The following MET variants were observed in gnomAD, a reference collection of about 807,000 sequenced individuals.
MET encodes hepatocyte growth factor receptor.
In MET, 48 loss-of-function variants were observed where a neutral mutation model predicts 133.1. That is an observed-to-expected ratio of 0.36 (90% CI 0.29 to 0.46). The LOEUF is 0.46. Ranked by LOEUF, MET falls within the 20% of genes least tolerant of loss-of-function variation. The pLI is 1.00. For synonymous variants in MET, 628 were observed against 616.5 expected, an observed-to-expected ratio of 1.02 and a Z score of -0.28; for missense variants, 1,442 against 1,695.9, an observed-to-expected ratio of 0.85 and a Z score of 2.63.
At chr7:116,743,503 C>G (rs1793543488) in intron 5 of MET, among the ~76,000 whole-genome samples, 1 of 152,224 alleles carries the variant, frequency 6.6e-6, no homozygotes, top group South Asian at 2.1e-4. Flanking sequence ...GCCAGCACAG[C>G]AGTCTGAAGT....
intron 19 of MET, among the ~76,000 whole-genome samples, chr7:116,789,509 T>C (rs927037596): frequency 2.0e-5 from 3 of 152,206 alleles, no homozygotes; most frequent in Admixed American, 6.5e-5. Flanking sequence ...AATCAGGACA[T>C]AGAACAGTTC....
intron 10 of MET, among the ~76,000 whole-genome samples, chr7:116,762,667 A>G (rs1191077226): frequency 6.6e-6 from 1 of 152,172 alleles, no homozygotes; most frequent in African/African-American, 2.4e-5. Flanking sequence ...GGTTAAAGCT[A>G]GGAGATGAGC....
At chr7:116,741,151 A>T in intron 5 of MET, 126 bp downstream of exon 5, 2 of 1,108,894 alleles carry the variant, frequency 1.8e-6, no homozygotes, top group Non-Finnish European at 2.6e-6. Context: ...TTTAAAAATC[A>T]ATTTACTCAT....
In MET at chr7:116,797,254, G is replaced by A. The variant is rs1014026471; in HGVS notation, c.*1130G>A. On this transcript the variant is annotated 3_prime_UTR_variant, in exon 21 of 21. Transcript: ENST00000397752. ...GATAACTCAGCATGTTTGTAAAGCA[G>A]GATACATTTTACTAAAAGGTTCATT... is the stretch of plus-strand genomic sequence containing the variant. 1 of 216,398 alleles carries A rather than the reference G, an allele frequency of 4.6e-6. No homozygotes were observed. Among genetic ancestry groups the A allele is most frequent in the African/African-American group, 2.3e-5 (1 of 44,146 alleles). 13.4% of individuals were successfully genotyped at this position (216,398 alleles called of 1,614,324 possible).
rs2116590916 is a variant in MET, at chr7:116,699,602, C to T, written c.518C>T (p.Pro173Leu). The change falls in exon 2 of 21, where the codon CCT becomes CTT. Residue 173 changes from proline to leucine, a missense_variant. Pro to Leu is a moderately conservative substitution (Grantham distance 98, BLOSUM62 -3). Around this residue, in one of 6 missense-constraint regions of MET, gnomAD observed 762 missense variants for 792.4 expected, o/e 0.96. Transcript: ENST00000397752. Reference protein sequence around the residue: ...SPQIEEPSQCPDCVVSALGAK... With the variant: ...SPQIEEPSQCLDCVVSALGAK... ...CAGATAGAAGAGCCCAGCCAGTGTC[C>T]TGACTGTGTGGTGAGCGCCCTGGGA... is the stretch of plus-strand genomic sequence containing the variant. The T allele has an allele frequency of 3.7e-6, 6 of 1,614,016 alleles. No individual in the cohort carries two copies. Among genetic ancestry groups the T allele is most frequent in the Non-Finnish European group, 4.2e-6 (5 of 1,179,958 alleles).
At chr7:116,777,613 G>A (rs1294358256) in intron 16 of MET, 144 bp downstream of exon 16, 2 of 808,222 alleles carry the variant, frequency 2.5e-6, no homozygotes, top group Admixed American at 4.2e-5. Flanking sequence ...CTGAAAATTT[G>A]TTTTGTTCTA....
intron 5 of MET, among the ~76,000 whole-genome samples, chr7:116,745,622 A>G (rs1297111310): frequency 6.6e-6 from 1 of 152,150 alleles, no homozygotes; most frequent in East Asian, 1.9e-4. Context: ...CAGAAATAAT[A>G]CCACACATCT....
intron 3 of MET, among the ~76,000 whole-genome samples, chr7:116,736,147 T>G (rs1284168468): frequency 6.6e-6 from 1 of 152,180 alleles, no homozygotes; most frequent in Non-Finnish European, 1.5e-5. Context: ...AAGAAAGAAC[T>G]TTTTATAAAT....
intron 3 of MET, 104 bp from the exon 4 acceptor site, chr7:116,739,846 C>T (rs938917966): frequency 3.0e-5 from 46 of 1,525,234 alleles, no homozygotes; most frequent in Non-Finnish European, 4.0e-5. Flanking sequence ...TTCAAACACC[C>T]ACAAGCCCTG....
At chr7:116,713,110 A>C (rs1361780063) in intron 2 of MET, among the ~76,000 whole-genome samples, 1 of 152,150 alleles carries the variant, frequency 6.6e-6, no homozygotes, top group Non-Finnish European at 1.5e-5. Flanking sequence ...GGTTAAGGAA[A>C]AGAGGCCGGG....
intron 2 of MET, among the ~76,000 whole-genome samples, chr7:116,705,556 A>G (rs957164450): frequency 1.3e-5 from 2 of 152,166 alleles, no homozygotes; most frequent in African/African-American, 4.8e-5. Context: ...AAATGTTGTT[A>G]AGGATTCTTC....
At chr7:116,782,917 A>C (rs1795197195) in intron 18 of MET, among the ~76,000 whole-genome samples, 1 of 152,178 alleles carries the variant, frequency 6.6e-6, no homozygotes, top group Non-Finnish European at 1.5e-5. Flanking sequence ...CTCTCCCATA[A>C]AACTGAGTAT....
intron 1 of MET, among the ~76,000 whole-genome samples, chr7:116,676,318 A>G (rs959211105): frequency 2.6e-5 from 4 of 152,236 alleles, no homozygotes; most frequent in Non-Finnish European, 5.9e-5. Context: ...AAGGATAGCA[A>G]TTATGAAATG....
intron 5 of MET, among the ~76,000 whole-genome samples, chr7:116,753,157 T>C (rs1793994573): frequency 6.6e-6 from 1 of 152,240 alleles, no homozygotes; most frequent in Non-Finnish European, 1.5e-5. Flanking sequence ...GACTTTGGTT[T>C]GCAATTATTT....
In MET at chr7:116,759,361, C is replaced by T. The variant is rs2116937120; in HGVS notation, c.2265-30C>T. The T allele has an allele frequency of 1.2e-6, 2 of 1,606,572 alleles. No individual in the cohort carries two copies. Among genetic ancestry groups the T allele is most frequent in the Non-Finnish European group, 1.7e-6 (2 of 1,176,188 alleles). On this transcript the variant is annotated intron_variant, in intron 9 of 20. Transcript: ENST00000397752. ...GTACTTGGTGGAAAGAACCTCTCAA[C>T]ATTGTCAGTTTTCTATTTTGCTTTG... is the stretch of plus-strand genomic sequence containing the variant.
Position 116,763,336 on chromosome 7 carries a change from A to G in MET, c.2583+68A>G, listed in dbSNP as rs779172881. Reference sequence around the variant, plus strand: ...CTTAATTGACTTCATAGCTATGTGAATACAATTGTTGTACTTGGCCATTGT... The same window carrying G: ...CTTAATTGACTTCATAGCTATGTGAGTACAATTGTTGTACTTGGCCATTGT... On this transcript the variant is annotated intron_variant, in intron 11 of 20. Coordinates refer to ENST00000397752, the MANE Select transcript of MET (RefSeq NM_000245.4). 29 of 1,384,142 alleles carry G rather than the reference A, an allele frequency of 2.1e-5. No individual in the cohort carries two copies. The Admixed American group carries it at 5.1e-4, about 24-fold the overall frequency. 85.7% of individuals were successfully genotyped at this position (1,384,142 alleles called of 1,614,324 possible).
intron 1 of MET, among the ~76,000 whole-genome samples, chr7:116,674,667 G>A (rs1796090386): frequency 6.6e-6 from 1 of 152,154 alleles, no homozygotes; most frequent in African/African-American, 2.4e-5. Flanking sequence ...CAAAGACATG[G>A]CAACACCCCC....
rs1793344829 is a variant in MET, at chr7:116,738,975, A to G, written c.1393-975A>G. On this transcript the variant is annotated intron_variant, in intron 3 of 20. Transcript: ENST00000397752. ...AGTAAATGCATGTTCAATGCAATGT[A>G]AAAGGCTATTAGAGATGTTGGGCAA... is the stretch of plus-strand genomic sequence containing the variant. Among the ~76,000 whole-genome samples, 4 of 152,222 alleles carry G rather than the reference A, an allele frequency of 2.6e-5. No individual in the cohort carries two copies. In the South Asian group the frequency reaches 8.3e-4, roughly 32 times the overall value.
Position 116,777,370 on chromosome 7 carries a change from A to G in MET, c.3260-19A>G. 1 of 1,607,564 alleles carries G rather than the reference A, an allele frequency of 6.2e-7. No homozygotes were observed. Among genetic ancestry groups the G allele is most frequent in the Non-Finnish European group, 8.5e-7 (1 of 1,174,090 alleles). The stretch of plus-strand genomic sequence containing the variant: ...ATTAAATGTTACGCAGTGCTAACCA[A>G]GTTCTTTCTTTTGCACAGGGCATTT... On this transcript the variant is annotated intron_variant, in intron 15 of 20. Coordinates refer to ENST00000397752, the MANE Select transcript of MET (RefSeq NM_000245.4).
Sources: allele counts gnomAD v4.1 joint callset (sites outside exome capture counted in the v4.1 genomes callset), GRCh38; gene constraint gnomAD v4.1.1; regional missense constraint gnomAD v4.1.1; transcripts MANE v1.5; gene names NCBI Gene and HGNC (gene_info 2026-07-23, HGNC 2026-07-21).